The following CHD5 variants were observed in gnomAD, a reference collection of about 807,000 sequenced individuals.
CHD5 encodes ATP-dependent chromatin remodeler CHD5.
Under a neutral mutation model 230.3 loss-of-function variants are expected in CHD5, and 69 were observed. The ratio of observed to expected loss-of-function variants is 0.30; its 90% CI spans 0.25 to 0.37. The LOEUF is 0.37. CHD5 is among the 10% of genes least tolerant of loss of function. The probability of loss-of-function intolerance (pLI) is 1.00; values close to 1 mark genes in which losing one functional copy is unlikely to be tolerated. For missense variants in CHD5, 1,827 were observed against 2,622.8 expected, an observed-to-expected ratio of 0.70 and a Z score of 6.63; for synonymous variants, 1,064 against 1,065.9, an observed-to-expected ratio of 1.00 and a Z score of 0.03.
Position 6,158,816 on chromosome 1 carries a change from G to A in CHD5, c.387+520C>T, listed in dbSNP as rs528435477. Among the ~76,000 whole-genome samples the A allele has an allele frequency of 2.3e-3, 342 of 151,540 alleles. 1 individual carries two copies. Among genetic ancestry groups the A allele is most frequent in the Non-Finnish European group, 3.4e-3 (231 of 67,900 alleles). On this transcript the variant is annotated intron_variant, in intron 3 of 41. Coordinates refer to ENST00000262450, the MANE Select transcript of CHD5 (RefSeq NM_015557.3). ...AGGTCAGGAGATCGAGACCATCCCG[G>A]CTAAAACGGTGAAACCCCATCTCTA... is the stretch of plus-strand genomic sequence containing the variant.
chr1:6,124,571 G>C lies in CHD5; in HGVS notation c.4485C>G (p.Leu1495=). The change falls in exon 30 of 42, where the codon CTC becomes CTG. Residue 1495 remains leucine (L), a synonymous_variant. Transcript: ENST00000262450. The part of the protein sequence containing the change: ...TFADGVPREG[L]SRQHVLTRIG... ...TGCGGGTCAGCACGTGCTGCCTGGA[G>C]AGGCCCTCCCGGGGCACGCCGTCTG... 2 of 1,613,678 alleles carry C rather than the reference G, an allele frequency of 1.2e-6. No individual in the cohort carries two copies. Among genetic ancestry groups the C allele is most frequent in the East Asian group, 4.5e-5 (2 of 44,848 alleles).
rs775938472 is a variant in CHD5 at position 6,111,892 on chromosome 1, C to T, written c.5141-9G>A. The T allele has an allele frequency of 1.2e-6, 2 of 1,611,828 alleles. No homozygotes were observed. The highest frequency in any genetic ancestry group is 1.1e-5 in the South Asian group (1 of 90,962). On this transcript the variant is annotated splice_polypyrimidine_tract_variant and intron_variant, in intron 35 of 41. Coordinates refer to ENST00000262450, the MANE Select transcript of CHD5 (RefSeq NM_015557.3). Reference sequence around the variant, plus strand: ...CCACAGCGTGTGCAACTCTGGGAAACAAGCCAAGGTGAGCAGGGTGAGAAG... The same window carrying T: ...CCACAGCGTGTGCAACTCTGGGAAATAAGCCAAGGTGAGCAGGGTGAGAAG...
chr1:6,107,464 GGATGGAGGGAT>G (rs1271939104), intron 38 of CHD5, among the ~76,000 whole-genome samples: 1 of 141,328 alleles, frequency 7.1e-6, no homozygotes, highest in Non-Finnish European at 1.5e-5. Flanking sequence ...GATAATGGAG[GGATGGAGGGAT>G]GATGAAGGGA....
At chr1:6,168,009 T>C in intron 2 of CHD5, 141 bp downstream of exon 2, 2 of 1,011,516 alleles carry the variant, frequency 2.0e-6, no homozygotes, top group South Asian at 1.8e-5. Context: ...GAGAAACTGG[T>C]TATGGTGTTT....
chr1:6,180,011 C>G lies in CHD5; in HGVS notation c.13G>C (p.Val5Leu). The G allele has an allele frequency of 8.0e-6, 11 of 1,369,662 alleles. No homozygotes were observed. Among genetic ancestry groups the G allele is most frequent in the African/African-American group, 1.5e-5 (1 of 65,558 alleles). The allele number at this position is 1,369,662 out of a possible 1,614,324, so 84.8% of individuals were successfully genotyped here. A position where few individuals can be genotyped will look rare whatever the true frequency, so the allele number is the denominator to read the frequency against. The change falls in exon 1 of 42, where the codon GTG becomes CTG. Residue 5 changes from valine to leucine, a missense_variant. By Grantham distance (32) the Val-to-Leu change is conservative. Transcript: ENST00000262450. The stretch of plus-strand genomic sequence containing the variant: ...CGCGGCAGCTCCTCCTCGGTGCCCA[C>G]TGGGCCCCGCATGCCCGGCGCGGGG... MRGP[V>L]GTEEELPRLF... is the part of the protein sequence containing the mutation.
chr1:6,158,437 C>A (rs527313627), intron 3 of CHD5, among the ~76,000 whole-genome samples: 1 of 152,172 alleles, frequency 6.6e-6, no homozygotes, highest in Non-Finnish European at 1.5e-5. Context: ...TTTATTTTCC[C>A]GAATTGCTCC....
In CHD5 at chr1:6,110,846, T is replaced by C. The variant is rs143127584; in HGVS notation, c.5250-320A>G. The stretch of plus-strand genomic sequence containing the variant: ...TGTGAATGGGAACCTTTTTCGGAAA[T>C]AGAGTATTTGCAGATGTAATGAAGT... On this transcript the variant is annotated intron_variant, in intron 36 of 41. Transcript: ENST00000262450. 3.9e-4 allele frequency among the ~76,000 whole-genome samples: 59 copies of C among 152,194 alleles called. No homozygotes were observed. The East Asian group carries it at 9.7e-3, about 25-fold the overall frequency.
At chr1:6,110,634 C>T in intron 36 of CHD5, 108 bp from the exon 37 acceptor site, 6 of 1,182,142 alleles carry the variant, frequency 5.1e-6, no homozygotes, top group Non-Finnish European at 6.0e-6. Context: ...GGCATTCTGG[C>T]TGTACGCTCT....
chr1:6,175,909 G>A (rs1667420144), intron 1 of CHD5, among the ~76,000 whole-genome samples: 1 of 152,044 alleles, frequency 6.6e-6, no homozygotes, highest in South Asian at 2.1e-4. Context: ...CAGATGGATG[G>A]ATGGATATGG....
rs1666256888 is a variant in CHD5, at chr1:6,109,831, C to G, written c.5542G>C (p.Ala1848Pro). 1 of 1,612,860 alleles carries G rather than the reference C, an allele frequency of 6.2e-7. No homozygotes were observed. Among genetic ancestry groups the G allele is most frequent in the Middle Eastern group, 1.7e-4 (1 of 6,004 alleles). Residue 1848 changes from alanine (A) to proline (P), a missense_variant, in exon 38 of 42, where the codon GCT (alanine) becomes CCT (proline). By Grantham distance (27) the Ala-to-Pro change is conservative. Coordinates refer to ENST00000262450, the MANE Select transcript of CHD5 (RefSeq NM_015557.3). ...SHQHLSKESL[A>P]GNKPANAVLH... ...ACGGCATTGGCAGGCTTGTTCCCAG[C>G]AAGGGACTCCTTGGACAGGTGCTGG...
At chr1:6,156,277 C>A (rs758310098) in intron 3 of CHD5, among the ~76,000 whole-genome samples, 2 of 151,950 alleles carry the variant, frequency 1.3e-5, no homozygotes, top group Non-Finnish European at 2.9e-5. Flanking sequence ...TGGCTCACGC[C>A]CGTAATCCCA....
At chr1:6,110,553 C>A (rs1029813397) in intron 36 of CHD5, 27 bp from the exon 37 acceptor site, 7 of 1,610,074 alleles carry the variant, frequency 4.3e-6, no homozygotes, top group Non-Finnish European at 5.9e-6. Context: ...TAAGGGCAAA[C>A]CTGGCCGTTA....
intron 38 of CHD5, 81 bp from the exon 39 acceptor site, chr1:6,106,860 A>T: frequency 1.5e-4 from 19 of 122,770 alleles, no homozygotes; most frequent in East Asian, 7.3e-4. Flanking sequence ...GGAGGGATGG[A>T]GGGGTGGAGG....
intron 1 of CHD5, among the ~76,000 whole-genome samples, chr1:6,172,619 G>A (rs963963156): frequency 2.0e-5 from 3 of 151,958 alleles, no homozygotes; most frequent in Non-Finnish European, 4.4e-5. Flanking sequence ...GGCAGTGGGC[G>A]CCCACCCCCT....
In CHD5 at chr1:6,125,335, G is replaced by A. The variant is rs1444196242; in HGVS notation, c.4261-102C>T. 8 of 1,281,106 alleles carry A rather than the reference G, an allele frequency of 6.2e-6. No individual in the cohort carries two copies. Among genetic ancestry groups the A allele is most frequent in the East Asian group, 2.4e-5 (1 of 40,880 alleles). 79.4% of individuals were successfully genotyped at this position (1,281,106 alleles called of 1,614,324 possible). A position where few individuals can be genotyped will look rare whatever the true frequency, so the allele number is the denominator to read the frequency against. On this transcript the variant is annotated intron_variant, in intron 28 of 41. Transcript: ENST00000262450. This position sits in a 1 kb window ranked among gnomAD's most constrained non-coding sequence, Gnocchi z 6.7. ...AAAGCATGGGAGGAGGAGAAGGTAGGAAGGGGGCACAGAGAAGGCAGGGGC... is the reference window on the plus strand; with the variant it reads ...AAAGCATGGGAGGAGGAGAAGGTAGAAAGGGGGCACAGAGAAGGCAGGGGC...
intron 1 of CHD5, among the ~76,000 whole-genome samples, chr1:6,179,701 C>G (rs1231550866): frequency 6.8e-6 from 1 of 147,530 alleles, no homozygotes; most frequent in Non-Finnish European, 1.5e-5. Context: ...CCCGCGTCGC[C>G]GCCCGGGGGG....
At chr1:6,165,813 G>A (rs549690709) in intron 2 of CHD5, among the ~76,000 whole-genome samples, 1 of 152,198 alleles carries the variant, frequency 6.6e-6, no homozygotes, top group African/African-American at 2.4e-5. Context: ...CTTCCCTGGG[G>A]GAGCCTCCAG....
In CHD5 at chr1:6,118,917, C is replaced by T. The variant is rs531149166; in HGVS notation, c.4912+2188G>A. Among the ~76,000 whole-genome samples the T allele has an allele frequency of 4.6e-3, 700 of 151,986 alleles. 5 individuals carry two copies. Among genetic ancestry groups the T allele is most frequent in the African/African-American group, 0.015 (632 of 41,496 alleles). On this transcript the variant is annotated intron_variant, in intron 33 of 41. Transcript: ENST00000262450. The stretch of plus-strand genomic sequence containing the variant: ...TTCACCATGTCGGCCAGGCTGGTCT[C>T]AAACTCCTGACCTCAGGTGATCCAC...
At position 6,167,924 on chromosome 1, in the gene CHD5, G is replaced by A. The variant is rs1022212918; in HGVS notation, c.207+226C>T. Among the ~76,000 whole-genome samples the A allele has an allele frequency of 3.9e-5, 6 of 152,140 alleles. No individual in the cohort carries two copies. Among genetic ancestry groups the A allele is most frequent in the South Asian group, 2.1e-4 (1 of 4,816 alleles). On this transcript the variant is annotated intron_variant, in intron 2 of 41. Coordinates refer to ENST00000262450, the MANE Select transcript of CHD5 (RefSeq NM_015557.3). This position sits in a 1 kb window ranked among gnomAD's most constrained non-coding sequence, Gnocchi z 4.5. Reference sequence around the variant, plus strand: ...GACAACGGGAGGAAGGAAAAATGACGCTCCGACATCCTGCTCCGGAAACAG... The same window carrying A: ...GACAACGGGAGGAAGGAAAAATGACACTCCGACATCCTGCTCCGGAAACAG...
Sources: allele counts gnomAD v4.1 joint callset (sites outside exome capture counted in the v4.1 genomes callset), GRCh38; gene constraint gnomAD v4.1.1; non-coding constraint Gnocchi (gnomAD v3.1); transcripts MANE v1.5; gene names NCBI Gene and HGNC (gene_info 2026-07-23, HGNC 2026-07-21).